HS6ST3: variants seen among roughly 807,000 people sequenced by gnomAD.
HS6ST3 encodes the protein heparan sulfate 6-O-sulfotransferase 3.
HS6ST3 carries 12 observed loss-of-function variants against 36.7 expected under a neutral mutation model. The ratio of observed to expected loss-of-function variants is 0.33; its 90% confidence interval spans 0.21 to 0.53. The LOEUF is 0.53. Ranked by LOEUF, HS6ST3 falls within the 20% of genes least tolerant of loss-of-function variation. The pLI, the probability that HS6ST3 is intolerant of heterozygous loss-of-function variation, is 0.95. For synonymous variants in HS6ST3, 240 were observed against 257.5 expected (o/e 0.93, Z 0.65); for missense variants, 584 against 640.9 (o/e 0.91, Z 0.96).
chr13:96,290,271 G>A (rs1465740459), intron 1 of HS6ST3, among the ~76,000 whole-genome samples: 1 of 152,096 alleles, frequency 6.6e-6, no homozygotes, highest in Admixed American at 6.6e-5. Context: ...AAGGGGGATG[G>A]CCTGACTCAT....
At chr13:96,417,877 C>T (rs560341020) in intron 1 of HS6ST3, among the ~76,000 whole-genome samples, 1 of 151,908 alleles carries the variant, frequency 6.6e-6, no homozygotes, top group South Asian at 2.1e-4. Context: ...CTGCAAGCCT[C>T]CAGTCACAGT....
chr13:96,707,518 C>T (rs939027946), intron 1 of HS6ST3, among the ~76,000 whole-genome samples: 7 of 152,150 alleles, frequency 4.6e-5, no homozygotes, highest in East Asian at 1.9e-4. Context: ...TCTCTAGAGG[C>T]GATGCCCATC....
At position 96,459,100 on chromosome 13, in the gene HS6ST3, T is replaced by TAA. The variant is rs747439262; in HGVS notation, c.707+367555_707+367556dup. ...GCCTGGGCGACAGAGCAAGACTGTCTAAAAAAAAAAAAAAAAAAAAAAAAA... is the reference window on the plus strand; with the variant it reads ...GCCTGGGCGACAGAGCAAGACTGTCTAAAAAAAAAAAAAAAAAAAAAAAAAAA... On this transcript the variant is annotated intron_variant, in intron 1 of 1. Coordinates refer to ENST00000376705, the MANE Select transcript of HS6ST3 (RefSeq NM_153456.4). 1.7e-3 allele frequency among the ~76,000 whole-genome samples: 108 copies of TAA among 63,836 alleles called. 8 individuals carry two copies. The highest frequency in any genetic ancestry group is 5.0e-3 in the African/African-American group (55 of 11,110). The allele number at this position is 63,836 out of a possible 152,430, so 41.9% of individuals were successfully genotyped here. A position where few individuals can be genotyped will look rare whatever the true frequency, so the allele number is the denominator to read the frequency against.
At chr13:96,713,284 C>A (rs1875607721) in intron 1 of HS6ST3, among the ~76,000 whole-genome samples, 1 of 152,180 alleles carries the variant, frequency 6.6e-6, no homozygotes, top group South Asian at 2.1e-4. Flanking sequence ...GAGAACTAAA[C>A]TGCTTTTGAG....
At chr13:96,599,255 A>G (rs763325681) in intron 1 of HS6ST3, among the ~76,000 whole-genome samples, 8 of 151,988 alleles carry the variant, frequency 5.3e-5, no homozygotes, top group Non-Finnish European at 1.0e-4. Context: ...TTTGGCTGTG[A>G]ATCTCTGGTT....
chr13:96,151,272 C>T (rs1052304045), intron 1 of HS6ST3, among the ~76,000 whole-genome samples: 14 of 152,010 alleles, frequency 9.2e-5, no homozygotes, highest in African/African-American at 1.9e-4. Context: ...GGTGTGGTGA[C>T]GTGCACATGT....
intron 1 of HS6ST3, among the ~76,000 whole-genome samples, chr13:96,243,013 CA>C (rs1177156868): frequency 6.6e-6 from 1 of 152,024 alleles, no homozygotes; most frequent in Non-Finnish European, 1.5e-5. Flanking sequence ...TTCTTATTTA[CA>C]AAAAAAGAAA....
At chr13:96,195,925 G>A (rs780706919) in intron 1 of HS6ST3, among the ~76,000 whole-genome samples, 2 of 152,036 alleles carry the variant, frequency 1.3e-5, no homozygotes, top group Admixed American at 6.6e-5. Flanking sequence ...TAAAATATGC[G>A]CTCGATAAAT....
intron 1 of HS6ST3, among the ~76,000 whole-genome samples, chr13:96,260,478 A>C (rs1363016898): frequency 6.6e-6 from 1 of 151,380 alleles, no homozygotes; most frequent in Admixed American, 6.6e-5. Flanking sequence ...CACCCAGCTA[A>C]TTTTTAAAAT....
intron 1 of HS6ST3, among the ~76,000 whole-genome samples, chr13:96,359,975 A>G (rs923582409): frequency 6.6e-6 from 1 of 152,154 alleles, no homozygotes; most frequent in African/African-American, 2.4e-5. Flanking sequence ...ACCACTGAGC[A>G]GGGGTGAAGG....
At chr13:96,106,452 C>G (rs1019012399) in intron 1 of HS6ST3, among the ~76,000 whole-genome samples, 2 of 152,172 alleles carry the variant, frequency 1.3e-5, no homozygotes, top group Non-Finnish European at 2.9e-5. Flanking sequence ...AACCTCCTTC[C>G]AACAGCAGTG....
chr13:96,254,486 T>G (rs1429242036), intron 1 of HS6ST3, among the ~76,000 whole-genome samples: 1 of 13,324 alleles, frequency 7.5e-5, no homozygotes, highest in Non-Finnish European at 1.4e-4. Context: ...TATATATATA[T>G]ATATATATAT....
chr13:96,219,631 T>C (rs1315314169), intron 1 of HS6ST3, among the ~76,000 whole-genome samples: 2 of 152,222 alleles, frequency 1.3e-5, no homozygotes, highest in Non-Finnish European at 2.9e-5. Context: ...TTGATAAAAG[T>C]GTGGACGATG....
At chr13:96,250,350 AG>A (rs934730806) in intron 1 of HS6ST3, among the ~76,000 whole-genome samples, 2 of 152,180 alleles carry the variant, frequency 1.3e-5, no homozygotes, top group African/African-American at 4.8e-5. Context: ...ATTTGGAAAA[AG>A]GGTCTTTGTA....
chr13:96,229,069 C>G (rs1927806), intron 1 of HS6ST3, among the ~76,000 whole-genome samples: 1 of 151,900 alleles, frequency 6.6e-6, no homozygotes, highest in African/African-American at 2.4e-5. Flanking sequence ...CCAAAATGTC[C>G]CCCATTTCAA....
chr13:96,243,530 T>C (rs2054571126), intron 1 of HS6ST3, among the ~76,000 whole-genome samples: 1 of 152,200 alleles, frequency 6.6e-6, no homozygotes, highest in Non-Finnish European at 1.5e-5. Flanking sequence ...ATTGCTCTTT[T>C]TGGAACAACA....
intron 1 of HS6ST3, among the ~76,000 whole-genome samples, chr13:96,541,468 G>A (rs2056177442): frequency 6.6e-6 from 1 of 152,078 alleles, no homozygotes; most frequent in African/African-American, 2.4e-5. Context: ...GAAAATGTAC[G>A]GGGATTTGGG....
intron 1 of HS6ST3, among the ~76,000 whole-genome samples, chr13:96,768,343 C>T (rs187974009): frequency 1.2e-3 from 190 of 152,250 alleles, no homozygotes; most frequent in African/African-American, 3.9e-3. Flanking sequence ...GCTAGTTGAC[C>T]GTGCAGAAAA....
chr13:96,407,947 T>C (rs1275942203), intron 1 of HS6ST3, among the ~76,000 whole-genome samples: 1 of 152,122 alleles, frequency 6.6e-6, no homozygotes, highest in Non-Finnish European at 1.5e-5. Context: ...AGCGTTATTA[T>C]TATTATTATT....
Sources: allele counts gnomAD v4.1 joint callset (sites outside exome capture counted in the v4.1 genomes callset), GRCh38; gene constraint gnomAD v4.1.1; transcripts MANE v1.5; gene names NCBI Gene and HGNC (gene_info 2026-07-23, HGNC 2026-07-21).